Variants in LPP observed in about 807,000 individuals in gnomAD.
LPP encodes LIM domain containing preferred translocation partner in lipoma, also known as lipoma-preferred partner.
LPP carries 38 observed loss-of-function variants against 60.4 expected under a neutral mutation model. The observed-to-expected ratio is 0.63, with a 90% CI of 0.49 to 0.83. The LOEUF is 0.83. Ranked by LOEUF, LPP falls within the 40% of genes least tolerant of loss-of-function variation. The pLI is 0.00. For missense variants in LPP, 902 were observed against 783.6 expected (o/e 1.15, Z -1.80); for synonymous variants, 328 against 290.8 (o/e 1.13, Z -1.30).
At chr3:188,479,285 T>C (rs1436638763) in intron 4 of LPP, among the ~76,000 whole-genome samples, 1 of 152,106 alleles carries the variant, frequency 6.6e-6, no homozygotes, top group Non-Finnish European at 1.5e-5. Context: ...CTCAACAAAG[T>C]GGGAGAAGCA....
At chr3:188,807,076 A>G (rs1017528253) in intron 9 of LPP, among the ~76,000 whole-genome samples, 5 of 150,790 alleles carry the variant, frequency 3.3e-5, no homozygotes, top group African/African-American at 1.2e-4. Context: ...AACAGTTTTT[A>G]ATTCTCCTTC....
chr3:188,425,690 T>C (rs1789112623), intron 4 of LPP, among the ~76,000 whole-genome samples: 1 of 152,236 alleles, frequency 6.6e-6, no homozygotes, highest in Admixed American at 6.5e-5. Context: ...AGTCTATGTG[T>C]CGCAGAATTT....
chr3:188,585,507 TA>T (rs1190733791), intron 6 of LPP, among the ~76,000 whole-genome samples: 1 of 152,102 alleles, frequency 6.6e-6, no homozygotes, highest in African/African-American at 2.4e-5. Flanking sequence ...TGCCCCCTAG[TA>T]AAAAAGGGAA....
intron 8 of LPP, among the ~76,000 whole-genome samples, chr3:188,748,746 G>C (rs1035529867): frequency 6.6e-6 from 1 of 152,162 alleles, no homozygotes; most frequent in Non-Finnish European, 1.5e-5. Flanking sequence ...TTGTGCCGTT[G>C]CACTCCAGCT....
At chr3:188,730,502 A>G (rs2150026042) in intron 8 of LPP, among the ~76,000 whole-genome samples, 1 of 152,368 alleles carries the variant, frequency 6.6e-6, no homozygotes, top group East Asian at 1.9e-4. Flanking sequence ...AAACACTAAT[A>G]GGAAAATATT....
chr3:188,371,446 T>C (rs1426722371), intron 3 of LPP, among the ~76,000 whole-genome samples: 1 of 150,950 alleles, frequency 6.6e-6, no homozygotes, highest in Non-Finnish European at 1.5e-5. Context: ...ATGCCTACCA[T>C]GACCAGGTAT....
chr3:188,200,132 A>T (rs1418388515), intron 1 of LPP, among the ~76,000 whole-genome samples: 2 of 150,484 alleles, frequency 1.3e-5, no homozygotes, highest in Non-Finnish European at 3.0e-5. Context: ...TAATTTATCT[A>T]TTTTTTTTTC....
chr3:188,778,994 A>C (rs1738716139), intron 9 of LPP, among the ~76,000 whole-genome samples: 3 of 152,180 alleles, frequency 2.0e-5, no homozygotes, highest in African/African-American at 7.2e-5. Flanking sequence ...ATTTGAGAGT[A>C]ATTTATGGAA....
intron 2 of LPP, among the ~76,000 whole-genome samples, chr3:188,240,514 T>C (rs1723980380): frequency 6.6e-6 from 1 of 152,232 alleles, no homozygotes; most frequent in Non-Finnish European, 1.5e-5. Flanking sequence ...TTTGACTGCT[T>C]TATTTTGTAG....
At chr3:188,870,948 C>A (rs889866640) in intron 10 of LPP, among the ~76,000 whole-genome samples, 4 of 152,172 alleles carry the variant, frequency 2.6e-5, no homozygotes, top group Admixed American at 6.5e-5. Context: ...AGAAATATGG[C>A]AGATTCATTT....
intron 5 of LPP, among the ~76,000 whole-genome samples, chr3:188,497,210 C>T (rs768725185): frequency 6.6e-6 from 1 of 152,024 alleles, no homozygotes; most frequent in East Asian, 1.9e-4. Flanking sequence ...CAGCCACTTC[C>T]TCTCTGAACT....
Position 188,495,082 on chromosome 3 carries a change from A to ATATATATTTT in LPP, c.306+10379_306+10380insATATATTTTT, listed in dbSNP as rs1342207321. On this transcript the variant is annotated intron_variant, in intron 5 of 11. Coordinates refer to ENST00000617246, the MANE Select transcript of LPP (RefSeq NM_001375462.1). ...CAGGATTTTATATATATATATATAT[A>ATATATATTTT]TTTTATTTATATTTTATTATATATT... is the stretch of plus-strand genomic sequence containing the variant. Among the ~76,000 whole-genome samples, 153 of 97,244 alleles carry ATATATATTTT rather than the reference A, an allele frequency of 1.6e-3. 12 individuals carry two copies. Among genetic ancestry groups the ATATATATTTT allele is most frequent in the African/African-American group, 6.1e-3 (153 of 25,080 alleles). The allele number at this position is 97,244 out of a possible 152,430, so 63.8% of individuals were successfully genotyped here. A position where few individuals can be genotyped will look rare whatever the true frequency, so the allele number is the denominator to read the frequency against.
intron 7 of LPP, among the ~76,000 whole-genome samples, chr3:188,649,825 A>G (rs969624385): frequency 1.3e-5 from 2 of 152,196 alleles, no homozygotes; most frequent in Non-Finnish European, 2.9e-5. Flanking sequence ...AACTAATTCC[A>G]ACTTCCTAAG....
At chr3:188,436,568 G>A (rs1422525403) in intron 4 of LPP, among the ~76,000 whole-genome samples, 11 of 152,084 alleles carry the variant, frequency 7.2e-5, no homozygotes, top group African/African-American at 2.4e-4. Flanking sequence ...CTTAGGACCC[G>A]ATATCTGTTC....
chr3:188,466,628 A>G (rs944872403), intron 4 of LPP, among the ~76,000 whole-genome samples: 1 of 151,458 alleles, frequency 6.6e-6, no homozygotes, highest in Non-Finnish European at 1.5e-5. Context: ...ACCTATTGAT[A>G]ATACCTTCGT....
intron 7 of LPP, among the ~76,000 whole-genome samples, chr3:188,681,258 T>C (rs1859443334): frequency 6.6e-6 from 1 of 152,102 alleles, no homozygotes; most frequent in Admixed American, 6.5e-5. Flanking sequence ...CCTCCCAGAG[T>C]GTTGGGATTA....
chr3:188,728,321 A>G (rs1449790290), intron 8 of LPP, among the ~76,000 whole-genome samples: 6 of 152,344 alleles, frequency 3.9e-5, no homozygotes, highest in African/African-American at 1.4e-4. Flanking sequence ...CACTTTCTAA[A>G]GATTTTTAAA....
chr3:188,340,658 A>G (rs760841740), intron 2 of LPP, among the ~76,000 whole-genome samples: 1 of 152,174 alleles, frequency 6.6e-6, no homozygotes, highest in Non-Finnish European at 1.5e-5. Flanking sequence ...TGTGCGATTC[A>G]TCAGCAGGTC....
chr3:188,612,572 T>G lies in LPP; in HGVS notation c.1113+2728T>G, dbSNP rs533625790. Among the ~76,000 whole-genome samples the G allele has an allele frequency of 3.9e-5, 6 of 152,324 alleles. No individual in the cohort carries two copies. In the South Asian group the frequency reaches 1.2e-3, roughly 32 times the overall value. Reference sequence around the variant, plus strand: ...AAAGTAGAACACCATCTTTACTAATTAATTAATGATTGCAAAAGGCTTGGA... The same window carrying G: ...AAAGTAGAACACCATCTTTACTAATGAATTAATGATTGCAAAAGGCTTGGA... On this transcript the variant is annotated intron_variant, in intron 7 of 11. Coordinates refer to ENST00000617246, the MANE Select transcript of LPP (RefSeq NM_001375462.1).
Sources: allele counts gnomAD v4.1 joint callset (sites outside exome capture counted in the v4.1 genomes callset), GRCh38; gene constraint gnomAD v4.1.1; transcripts MANE v1.5; gene names NCBI Gene and HGNC (gene_info 2026-07-23, HGNC 2026-07-21).